The following MTMR4 variants were observed in gnomAD, a reference collection of about 807,000 sequenced individuals.
The protein encoded by MTMR4 is phosphatidylinositol-3,5-bisphosphate 3-phosphatase MTMR4.
MTMR4 carries 30 observed loss-of-function variants against 125.5 expected under a neutral mutation model. That is an observed-to-expected ratio of 0.24 (90% CI 0.18 to 0.32). MTMR4 has a LOEUF of 0.32. Ranked by LOEUF, MTMR4 falls within the 10% of genes least tolerant of loss-of-function variation. MTMR4 has a pLI of 1.00. For missense variants in MTMR4, 1,039 were observed against 1,511.5 expected, an observed-to-expected ratio of 0.69 and a Z score of 5.18; for synonymous variants, 498 against 564.5, an observed-to-expected ratio of 0.88 and a Z score of 1.67.
chr17:58,507,200 T>C lies in MTMR4; in HGVS notation c.827A>G (p.Asp276Gly). ...GCCCCCAGTGGCCCTTGTCCCCGGGTCCAGGGCACAGGCTTTAGCAATGGA... is the reference window on the plus strand; with the variant it reads ...GCCCCCAGTGGCCCTTGTCCCCGGGCCCAGGGCACAGGCTTTAGCAATGGA... ...VTSIAKACAL[D>G]PGTRATGGSL... The change falls in exon 8 of 18, where the codon GAC becomes GGC. Residue 276 changes from aspartate to glycine, a missense_variant. Physicochemically the swap from Asp to Gly is moderately conservative, Grantham distance 94. Transcript: ENST00000682306. The C allele has an allele frequency of 6.2e-7, 1 of 1,614,092 alleles. No homozygotes were observed. Among genetic ancestry groups the C allele is most frequent in the Non-Finnish European group, 8.5e-7 (1 of 1,180,008 alleles).
intron 10 of MTMR4, 48 bp from the exon 11 acceptor site, chr17:58,505,022 C>T (rs759230087): frequency 6.5e-7 from 1 of 1,529,422 alleles, no homozygotes; most frequent in Non-Finnish European, 8.8e-7. Context: ...GCTGAGGCCA[C>T]AGCAGTCTCT....
At chr17:58,514,890 C>G, upstream of MTMR4, 1 of 583,070 alleles carries the variant, frequency 1.7e-6, no homozygotes, top group African/African-American at 2.0e-5. Flanking sequence ...TCCCCGCGCC[C>G]CCTCCCCTAA....
At chr17:58,502,839 G>A (rs140526198) in intron 14 of MTMR4, among the ~76,000 whole-genome samples, 1 of 152,278 alleles carries the variant, frequency 6.6e-6, no homozygotes, top group East Asian at 1.9e-4. Context: ...AGGATCATAA[G>A]GGAAGATTTT....
upstream of MTMR4, chr17:58,515,020 TCC>T: frequency 1.0e-6 from 1 of 985,256 alleles, no homozygotes; most frequent in Non-Finnish European, 1.2e-6. Context: ...GGTCCTTCAA[TCC>T]CGTGACTTCG....
At chr17:58,503,574 G>A (rs538145633) in intron 14 of MTMR4, among the ~76,000 whole-genome samples, 170 bp downstream of exon 14, 9 of 152,174 alleles carry the variant, frequency 5.9e-5, no homozygotes, top group East Asian at 3.9e-4. Flanking sequence ...AGTTGAACCC[G>A]GGAAGTGGAG....
chr17:58,501,169 T>C (rs978205714), intron 14 of MTMR4, among the ~76,000 whole-genome samples: 1 of 152,208 alleles, frequency 6.6e-6, no homozygotes, highest in African/African-American at 2.4e-5. Flanking sequence ...CTTTTTGTTT[T>C]CCTTTATAAT....
intron 9 of MTMR4, among the ~76,000 whole-genome samples, chr17:58,506,416 T>C (rs1975779967): frequency 6.6e-6 from 1 of 152,200 alleles, no homozygotes; most frequent in Non-Finnish European, 1.5e-5. Flanking sequence ...CTCAAACTCC[T>C]GAGCTCAAGC....
chr17:58,495,529 A>G lies in MTMR4; in HGVS notation c.2655T>C (p.Asn885=). The part of the protein sequence containing the change: ...EDIGKRGNNR[N]GQLLENPRFG... ...AGCGAGGATTTTCCAATAACTGCCCATTCCTATTATTTCCTCTTTTACCAA... is the reference window on the plus strand; with the variant it reads ...AGCGAGGATTTTCCAATAACTGCCCGTTCCTATTATTTCCTCTTTTACCAA... Residue 885 remains asparagine (N), a synonymous_variant, in exon 15 of 18, where the codon AAT becomes AAC. Transcript: ENST00000682306. 6.2e-7 allele frequency: 1 copy of G among 1,614,182 alleles called. No homozygotes were observed.
Position 58,490,292 on chromosome 17 carries a change from A to G in MTMR4, c.*1371T>C, listed in dbSNP as rs1407192828. ...GTCAACAAATTAAGGAAAACTGTAT[A>G]AAGTCCTAGTGGTTTCATTATAGGC... On this transcript the variant is annotated 3_prime_UTR_variant, in exon 18 of 18. Transcript: ENST00000682306. 1 of 152,672 alleles carries G rather than the reference A, an allele frequency of 6.5e-6. No individual in the cohort carries two copies. The highest frequency in any genetic ancestry group is 1.5e-5 in the Non-Finnish European group (1 of 68,042). 9.5% of individuals were successfully genotyped at this position (152,672 alleles called of 1,614,324 possible).
At chr17:58,515,688 A>G (rs1236594781), upstream of MTMR4, among the ~76,000 whole-genome samples, 1 of 152,192 alleles carries the variant, frequency 6.6e-6, no homozygotes, top group Non-Finnish European at 1.5e-5. Context: ...GAAGAGAAAA[A>G]GAGGAGCTAT....
intron 1 of MTMR4, among the ~76,000 whole-genome samples, chr17:58,513,463 C>G (rs544095000): frequency 6.6e-6 from 1 of 151,998 alleles, no homozygotes; most frequent in African/African-American, 2.4e-5. Flanking sequence ...GGGCCTTCAC[C>G]GACGCTTTCA....
Position 58,504,882 on chromosome 17 carries a change from T to C in MTMR4, c.1238A>G (p.Glu413Gly), listed in dbSNP as rs1189030736. The change falls in exon 11 of 18, where the codon GAA (glutamate) becomes GGA (glycine). Residue 413 changes from glutamate (E) to glycine (G), a missense_variant. Around this residue, in one of 6 missense-constraint regions of MTMR4, gnomAD observed 107 missense variants for 267.4 expected, o/e 0.40. Coordinates refer to ENST00000682306, the MANE Select transcript of MTMR4 (RefSeq NM_001378067.1). This position sits in a 1 kb window ranked among gnomAD's most constrained non-coding sequence, Gnocchi z 7.1. ...GCAGTGTACCAGCACAGGCCGGCCTTCCCGGTCTACTGTATTAGCCACCAG... is the reference window on the plus strand; with the variant it reads ...GCAGTGTACCAGCACAGGCCGGCCTCCCCGGTCTACTGTATTAGCCACCAG... ...AVLVANTVDR[E>G]GRPVLVHCSD... 3.7e-5 allele frequency: 59 copies of C among 1,614,226 alleles called. No individual in the cohort carries two copies. Among genetic ancestry groups the C allele is most frequent in the Non-Finnish European group, 4.7e-5 (55 of 1,180,046 alleles).
chr17:58,501,275 C>T (rs1279569779), intron 14 of MTMR4, among the ~76,000 whole-genome samples: 1 of 152,116 alleles, frequency 6.6e-6, no homozygotes, highest in African/African-American at 2.4e-5. Flanking sequence ...TTTTGGGAGG[C>T]CAAGGCAGGA....
chr17:58,496,186 C>T lies in MTMR4; in HGVS notation c.1998G>A (p.Glu666=), dbSNP rs1331717741. The T allele has an allele frequency of 8.1e-6, 13 of 1,614,048 alleles. No homozygotes were observed. Among genetic ancestry groups the T allele is most frequent in the Non-Finnish European group, 1.0e-5 (12 of 1,180,032 alleles). Residue 666 remains glutamate (E), a synonymous_variant, in exon 15 of 18, where the codon GAG becomes GAA. Transcript: ENST00000682306. Reference sequence around the variant, plus strand: ...AGTCCACAAAGCTTGTCTCTGATCCCTCAGGATTGCTGTGCCAGGGCTCCA... The same window carrying T: ...AGTCCACAAAGCTTGTCTCTGATCCTTCAGGATTGCTGTGCCAGGGCTCCA... The part of the protein sequence containing the change: ...VGLEPWHSNP[E]GSETSFVDSG...
At position 58,504,269 on chromosome 17, in the gene MTMR4, C is replaced by A; in HGVS notation, c.1527+34G>T. 6.2e-7 allele frequency: 1 copy of A among 1,605,896 alleles called. No individual in the cohort carries two copies. The highest frequency in any genetic ancestry group is 8.5e-7 in the Non-Finnish European group (1 of 1,173,156). On this transcript the variant is annotated intron_variant, in intron 12 of 17. Transcript: ENST00000682306. This position sits in a 1 kb window ranked among gnomAD's most constrained non-coding sequence, Gnocchi z 7.1. Reference sequence around the variant, plus strand: ...CCTGGGGGCCTCGGGCTGTCATTCCCCCCATCCCTGTTGTCACAGGCCTTA... The same window carrying A: ...CCTGGGGGCCTCGGGCTGTCATTCCACCCATCCCTGTTGTCACAGGCCTTA...
chr17:58,511,658 T>A, intron 3 of MTMR4, 147 bp from the exon 4 acceptor site: 1 of 607,460 alleles, frequency 1.6e-6, no homozygotes, highest in Non-Finnish European at 2.9e-6. Flanking sequence ...CTGTACGGAG[T>A]CCTCTGCATA....
In MTMR4 at chr17:58,511,514, G is replaced by A; in HGVS notation, c.253-3C>T. ...CTGTCAATCATCCGGAGGGGGACCT[G>A]TAGAGGAAGGGCAAACTGAAGCTCA... On this transcript the variant is annotated splice_region_variant and splice_polypyrimidine_tract_variant and intron_variant, in intron 3 of 17. Transcript: ENST00000682306. 2.5e-6 allele frequency: 4 copies of A among 1,612,252 alleles called. 1 individual carries two copies. Among genetic ancestry groups the A allele is most frequent in the Non-Finnish European group, 1.7e-6 (2 of 1,179,096 alleles).
Position 58,491,574 on chromosome 17 carries a change from A to G in MTMR4, c.*89T>C. ...TGGTATCTCTGAGCTCTGTGATTTC[A>G]TGAGCCACACCAAGGAACCTTCCAA... On this transcript the variant is annotated 3_prime_UTR_variant, in exon 18 of 18. Transcript: ENST00000682306. 1 of 1,324,138 alleles carries G rather than the reference A, an allele frequency of 7.6e-7. No homozygotes were observed. The highest frequency in any genetic ancestry group is 1.4e-5 in the South Asian group (1 of 71,402). The allele number at this position is 1,324,138 out of a possible 1,614,324, so 82.0% of individuals were successfully genotyped here. A position where few individuals can be genotyped will look rare whatever the true frequency, so the allele number is the denominator to read the frequency against.
chr17:58,516,198 CA>C (rs1449414172), upstream of MTMR4, among the ~76,000 whole-genome samples: 1 of 152,128 alleles, frequency 6.6e-6, no homozygotes, highest in African/African-American at 2.4e-5. Flanking sequence ...AAGGACCCAC[CA>C]GAAGTCCAAA....
Sources: allele counts gnomAD v4.1 joint callset (sites outside exome capture counted in the v4.1 genomes callset), GRCh38; gene constraint gnomAD v4.1.1; regional missense constraint gnomAD v4.1.1; non-coding constraint Gnocchi (gnomAD v3.1); transcripts MANE v1.5; gene names NCBI Gene and HGNC (gene_info 2026-07-23, HGNC 2026-07-21).